The following DDX10 variants were observed in gnomAD, a reference collection of about 807,000 sequenced individuals.
DDX10 encodes probable ATP-dependent RNA helicase DDX10.
DDX10 carries 74 observed loss-of-function variants against 104.3 expected under a neutral mutation model. The ratio of observed to expected loss-of-function variants is 0.71; its 90% confidence interval spans 0.59 to 0.86. The LOEUF (loss-of-function observed/expected upper bound fraction) is 0.86. Among genes scored for constraint, DDX10 ranks in the 40% least tolerant of loss-of-function variants. DDX10 has a pLI of 0.00. For missense variants in DDX10, 952 were observed against 1,040.0 expected, an observed-to-expected ratio of 0.92 and a Z score of 1.16; for synonymous variants, 351 against 353.4, an observed-to-expected ratio of 0.99 and a Z score of 0.08.
chr11:108,905,411 G>A (rs547339140), intron 16 of DDX10, among the ~76,000 whole-genome samples: 1 of 147,586 alleles, frequency 6.8e-6, no homozygotes, highest in Non-Finnish European at 1.5e-5. Flanking sequence ...CTAACTCACT[G>A]TGAACACTTT....
intron 13 of DDX10, among the ~76,000 whole-genome samples, chr11:108,833,974 G>A (rs1862511457): frequency 6.6e-6 from 1 of 151,920 alleles, no homozygotes; most frequent in South Asian, 2.1e-4. Flanking sequence ...TTGCTTTTTT[G>A]AAACAGTATC....
At chr11:108,698,317 C>A (rs2094262707) in intron 9 of DDX10, among the ~76,000 whole-genome samples, 1 of 152,152 alleles carries the variant, frequency 6.6e-6, no homozygotes, top group Admixed American at 6.5e-5. Context: ...ACCATGTGTA[C>A]CTTAGATATA....
chr11:108,852,774 A>AT (rs1282872876), intron 16 of DDX10, among the ~76,000 whole-genome samples: 1 of 151,850 alleles, frequency 6.6e-6, no homozygotes, highest in East Asian at 1.9e-4. Flanking sequence ...TGCAGCCATG[A>AT]TTTTTATCTA....
intron 10 of DDX10, among the ~76,000 whole-genome samples, chr11:108,712,434 T>G (rs1349461054): frequency 6.6e-6 from 1 of 152,160 alleles, no homozygotes; most frequent in Non-Finnish European, 1.5e-5. Context: ...TTTTCTCTCC[T>G]TAGCATACCA....
At chr11:108,841,593 C>T (rs1862639591) in intron 15 of DDX10, 117 bp downstream of exon 15, 1 of 963,432 alleles carries the variant, frequency 1.0e-6, no homozygotes, top group Non-Finnish European at 1.5e-6. Context: ...TTCTCTGACA[C>T]TTCTTTTTCT....
intron 13 of DDX10, among the ~76,000 whole-genome samples, chr11:108,792,253 A>G (rs530246443): frequency 9.8e-5 from 15 of 152,294 alleles, no homozygotes; most frequent in African/African-American, 2.9e-4. Context: ...TTGAAGCACA[A>G]AGTTTTTAAT....
chr11:108,670,141 A>G (rs1201869816), intron 1 of DDX10, among the ~76,000 whole-genome samples: 1 of 152,216 alleles, frequency 6.6e-6, no homozygotes, highest in Non-Finnish European at 1.5e-5. Context: ...GACTCTGTAT[A>G]GAGAGAATAT....
chr11:108,821,798 G>A (rs889135278), intron 13 of DDX10, among the ~76,000 whole-genome samples: 1 of 152,130 alleles, frequency 6.6e-6, no homozygotes, highest in African/African-American at 2.4e-5. Flanking sequence ...ATGCCTTTCA[G>A]TAAGTAAAAG....
intron 16 of DDX10, among the ~76,000 whole-genome samples, chr11:108,885,131 T>G (rs532630980): frequency 6.6e-6 from 1 of 152,200 alleles, no homozygotes; most frequent in African/African-American, 2.4e-5. Flanking sequence ...TTTGTTGTTG[T>G]TGGTTTCATT....
rs117627738 is a variant in DDX10 at position 108,830,254 on chromosome 11, T to G, written c.1966-8192T>G. ...TCTTTCAGCAGCAGTGTTTTGTAGT[T>G]TTCCTTGTGGTTTTTCACATCCTTG... On this transcript the variant is annotated intron_variant, in intron 13 of 17. Transcript: ENST00000322536. Among the ~76,000 whole-genome samples, 74 of 152,346 alleles carry G rather than the reference T, an allele frequency of 4.9e-4. 1 individual carries two copies. Among genetic ancestry groups the G allele is most frequent in the East Asian group, 4.6e-3 (24 of 5,188 alleles).
chr11:108,885,244 T>C (rs1863280722), intron 16 of DDX10, among the ~76,000 whole-genome samples: 1 of 152,130 alleles, frequency 6.6e-6, no homozygotes, highest in Non-Finnish European at 1.5e-5. Context: ...ATATCTAATC[T>C]TGTCATTCTC....
intron 13 of DDX10, among the ~76,000 whole-genome samples, chr11:108,779,725 T>C (rs747265953): frequency 2.0e-4 from 30 of 152,186 alleles, no homozygotes; most frequent in Non-Finnish European, 3.4e-4. Flanking sequence ...TTCATGTTAG[T>C]TGCATAACAT....
intron 17 of DDX10, among the ~76,000 whole-genome samples, chr11:108,939,004 A>T (rs917883977): frequency 2.0e-5 from 3 of 152,342 alleles, no homozygotes; most frequent in Admixed American, 1.3e-4. Flanking sequence ...CTGATTAGAT[A>T]TAGTGAATGT....
chr11:108,939,934 A>G lies in DDX10; in HGVS notation c.2451-312A>G, dbSNP rs1295701570. 3.9e-5 allele frequency among the ~76,000 whole-genome samples: 6 copies of G among 152,282 alleles called. No individual in the cohort carries two copies. The East Asian group carries it at 7.7e-4, about 20-fold the overall frequency. On this transcript the variant is annotated intron_variant, in intron 17 of 17. Transcript: ENST00000322536. ...GTTTGGTGTGGCAGGACAAGCACAC[A>G]CTGGAGCGAGACATACCTGTGGTGC... is the stretch of plus-strand genomic sequence containing the variant.
intron 16 of DDX10, among the ~76,000 whole-genome samples, chr11:108,911,333 C>CT (rs1435180447): frequency 6.6e-6 from 1 of 152,120 alleles, no homozygotes; most frequent in Non-Finnish European, 1.5e-5. Flanking sequence ...AAGTTAACTG[C>CT]TTGCAGTTCT....
At chr11:108,844,882 T>G (rs1424149708) in intron 15 of DDX10, among the ~76,000 whole-genome samples, 1 of 152,162 alleles carries the variant, frequency 6.6e-6, no homozygotes, top group Non-Finnish European at 1.5e-5. Flanking sequence ...CAAGTCAGGT[T>G]GCTTGCTTTA....
chr11:108,693,647 C>G, intron 9 of DDX10, 47 bp downstream of exon 9: 1 of 1,402,970 alleles, frequency 7.1e-7, no homozygotes, highest in Non-Finnish European at 1.0e-6. Context: ...ATCTAAATAA[C>G]AAAGCATGCT....
Position 108,684,645 on chromosome 11 carries a change from A to G in DDX10, c.849-4291A>G, listed in dbSNP as rs866970778. Reference sequence around the variant, plus strand: ...TTCCAAGTCTTTGCTATTGTGAATAATGCCGCAATAAACATACGTGTGCAT... The same window carrying G: ...TTCCAAGTCTTTGCTATTGTGAATAGTGCCGCAATAAACATACGTGTGCAT... On this transcript the variant is annotated intron_variant, in intron 6 of 17. Transcript: ENST00000322536. 3.1e-5 allele frequency among the ~76,000 whole-genome samples: 4 copies of G among 129,662 alleles called. No homozygotes were observed. The East Asian group carries it at 1.0e-3, about 34-fold the overall frequency. 85.1% of individuals were successfully genotyped at this position (129,662 alleles called of 152,430 possible).
chr11:108,759,144 A>G (rs1389672639), intron 13 of DDX10, among the ~76,000 whole-genome samples: 1 of 152,128 alleles, frequency 6.6e-6, no homozygotes, highest in African/African-American at 2.4e-5. Context: ...TGGCTAATAA[A>G]ATAAATTGGA....
Sources: gnomAD v4.1 joint callset for allele counts (sites outside exome capture counted in the v4.1 genomes callset) on GRCh38, gnomAD v4.1.1 for gene constraint, MANE v1.5 for transcripts, NCBI Gene and HGNC (gene_info 2026-07-23, HGNC 2026-07-21) for gene names.